MED15: variants seen among roughly 807,000 people sequenced by gnomAD.
MED15 encodes the protein mediator complex subunit 15.
MED15 carries 41 observed loss-of-function variants against 118.7 expected under a neutral mutation model. The observed-to-expected ratio is 0.35, with a 90% CI of 0.27 to 0.45. The LOEUF (loss-of-function observed/expected upper bound fraction) is 0.45, where lower values mean the gene tolerates loss of function less well. MED15 is among the 20% of genes least tolerant of loss of function. MED15 has a pLI of 1.00. For missense variants in MED15, 740 were observed against 1,025.5 expected (o/e 0.72, Z 3.80); for synonymous variants, 436 against 413.9 (o/e 1.05, Z -0.65).
rs942564746 is a variant in MED15, at chr22:20,574,823, T to C, written c.1153-290T>C. 1.1e-5 allele frequency: 4 copies of C among 359,796 alleles called. No homozygotes were observed. In the Admixed American group the frequency reaches 1.1e-4, roughly 10 times the overall value. The allele number at this position is 359,796 out of a possible 1,614,324, so 22.3% of individuals were successfully genotyped here. A position where few individuals can be genotyped will look rare whatever the true frequency, so the allele number is the denominator to read the frequency against. On this transcript the variant is annotated intron_variant, in intron 8 of 17. Transcript: ENST00000263205. ...AGGATTCTGATCTGTTAGCGAGGTG[T>C]GTTCAGAAGTGTGTTGAGGACACCA...
At chr22:20,554,019 G>C (rs1296940101) in intron 4 of MED15, among the ~76,000 whole-genome samples, 1 of 152,258 alleles carries the variant, frequency 6.6e-6, no homozygotes, top group Non-Finnish European at 1.5e-5. Context: ...CTGCCATTGG[G>C]AAGGGAGTGC....
At chr22:20,523,455 G>A (rs920717552) in intron 1 of MED15, among the ~76,000 whole-genome samples, 20 of 152,040 alleles carry the variant, frequency 1.3e-4, no homozygotes, top group Non-Finnish European at 2.1e-4. Flanking sequence ...GCAACATATG[G>A]CCAGTGTTGC....
At chr22:20,546,915 G>C (rs1407519072) in intron 2 of MED15, among the ~76,000 whole-genome samples, 1 of 152,128 alleles carries the variant, frequency 6.6e-6, no homozygotes, top group Non-Finnish European at 1.5e-5. Context: ...GCGCTGGTCT[G>C]TTCATTGCTT....
chr22:20,587,129 G>T lies in MED15; in HGVS notation c.*425G>T. 1 of 177,876 alleles carries T rather than the reference G, an allele frequency of 5.6e-6. No individual in the cohort carries two copies. 11.0% of individuals were successfully genotyped at this position (177,876 alleles called of 1,614,324 possible). On this transcript the variant is annotated 3_prime_UTR_variant, in exon 18 of 18. Coordinates refer to ENST00000263205, the MANE Select transcript of MED15 (RefSeq NM_001003891.3). The stretch of plus-strand genomic sequence containing the variant: ...CATAGGAAACCCTTAAAACACACAT[G>T]GGATTCTCTGGTCACAGTTTTGGGT...
chr22:20,562,690 A>G (rs1439629245), intron 5 of MED15, among the ~76,000 whole-genome samples: 1 of 152,166 alleles, frequency 6.6e-6, no homozygotes, highest in Non-Finnish European at 1.5e-5. Flanking sequence ...CCGGTCATAC[A>G]TGTTTTATGA....
rs976043613 is a variant in MED15, at chr22:20,513,428, G to A, written c.68+5682G>A. Among the ~76,000 whole-genome samples, 5 of 151,920 alleles carry A rather than the reference G, an allele frequency of 3.3e-5. No individual in the cohort carries two copies. In the South Asian group the frequency reaches 6.3e-4, roughly 19 times the overall value. On this transcript the variant is annotated intron_variant, in intron 1 of 17. Transcript: ENST00000263205. ...AGAGTAGCTGGGATTACAGGCACCC[G>A]CCACCACTCCTGGCTAATTTTTGTA...
At chr22:20,586,536 G>A (rs757596164) in intron 17 of MED15, 32 bp from the exon 18 acceptor site, 23 of 1,605,582 alleles carry the variant, frequency 1.4e-5, no homozygotes, top group Non-Finnish European at 1.7e-5. Flanking sequence ...AGCGCCGGCC[G>A]CCTTAGGTTC....
chr22:20,549,830 A>G (rs1057287317), intron 2 of MED15, among the ~76,000 whole-genome samples: 4 of 152,078 alleles, frequency 2.6e-5, no homozygotes, highest in African/African-American at 7.2e-5. Context: ...CAGGATGATG[A>G]TGCCTGCCCA....
chr22:20,545,370 T>G (rs1272535067), intron 2 of MED15, among the ~76,000 whole-genome samples: 1 of 150,610 alleles, frequency 6.6e-6, no homozygotes, highest in Non-Finnish European at 1.5e-5. Flanking sequence ...TCCCAGCTAC[T>G]TGGGAGGGTG....
chr22:20,576,473 G>A (rs950470097), intron 9 of MED15, among the ~76,000 whole-genome samples: 1 of 152,274 alleles, frequency 6.6e-6, no homozygotes, highest in Non-Finnish European at 1.5e-5. Flanking sequence ...CCAAGAAAGT[G>A]GCCTGGGCCC....
rs547619180 is a variant in MED15 at position 20,587,053 on chromosome 22, G to A, written c.*349G>A. On this transcript the variant is annotated 3_prime_UTR_variant, in exon 18 of 18. Coordinates refer to ENST00000263205, the MANE Select transcript of MED15 (RefSeq NM_001003891.3). Reference sequence around the variant, plus strand: ...GGTGCACTCAGGGTGTTGTTAGAGCGTCTCGTGTGTGCTAGACGCACCCCT... The same window carrying A: ...GGTGCACTCAGGGTGTTGTTAGAGCATCTCGTGTGTGCTAGACGCACCCCT... The A allele has an allele frequency of 4.4e-4, 154 of 351,948 alleles. 2 individuals carry two copies. The South Asian group carries it at 5.8e-3, about 13-fold the overall frequency. 21.8% of individuals were successfully genotyped at this position (351,948 alleles called of 1,614,324 possible). A position where few individuals can be genotyped will look rare whatever the true frequency, so the allele number is the denominator to read the frequency against.
At chr22:20,525,190 C>T (rs1601472741) in intron 1 of MED15, among the ~76,000 whole-genome samples, 1 of 152,046 alleles carries the variant, frequency 6.6e-6, no homozygotes, top group East Asian at 1.9e-4. Flanking sequence ...ACTCGGGAGA[C>T]TGAGGAGGGA....
At chr22:20,584,300 C>G in intron 13 of MED15, 59 bp from the exon 14 acceptor site, 2 of 1,566,342 alleles carry the variant, frequency 1.3e-6, no homozygotes, top group Non-Finnish European at 1.8e-6. Context: ...AGTTGGGATC[C>G]TGAGCCTGAG....
chr22:20,518,853 A>G (rs1287291828), intron 1 of MED15: 1 of 452,640 alleles, frequency 2.2e-6, no homozygotes, highest in Non-Finnish European at 4.4e-6. Context: ...TGAGACATTC[A>G]TTTATTTGTT....
At chr22:20,584,056 G>C in intron 13 of MED15, 1 of 445,888 alleles carries the variant, frequency 2.2e-6, no homozygotes, top group Non-Finnish European at 4.1e-6. Flanking sequence ...TCCTTTGTTA[G>C]GGTTATAGGG....
chr22:20,567,094 A>G (rs927077207), intron 7 of MED15, among the ~76,000 whole-genome samples: 4 of 152,200 alleles, frequency 2.6e-5, no homozygotes, highest in African/African-American at 9.7e-5. Context: ...GGCTGATTGC[A>G]GCAGTTCTGT....
At chr22:20,584,831 T>C in intron 14 of MED15, 24 bp from the exon 15 acceptor site, 3 of 1,609,504 alleles carry the variant, frequency 1.9e-6, no homozygotes, top group Non-Finnish European at 2.5e-6. Context: ...CCCGGGCTGC[T>C]GACCGTGCCC....
chr22:20,553,118 C>T (rs894849771), intron 3 of MED15, 27 bp from the exon 4 acceptor site: 10 of 1,599,036 alleles, frequency 6.3e-6, no homozygotes, highest in African/African-American at 5.4e-5. Flanking sequence ...TGTTTACTTT[C>T]GTTTTTTTGT....
rs1251108463 is a variant in MED15 at position 20,564,477 on chromosome 22, TGCA to T, written c.492_494del (p.Gln168del). ...CAGCTGCAGCTCCAGCAGGTGGCGC[TGCA>T]GCAGCAGCAGCAACAGCAGCAGTTC... is the stretch of plus-strand genomic sequence containing the variant. On this transcript the variant is annotated inframe_deletion, in exon 6 of 18. Transcript: ENST00000263205. The T allele has an allele frequency of 5.0e-6, 8 of 1,612,230 alleles. No individual in the cohort carries two copies. Among genetic ancestry groups the T allele is most frequent in the South Asian group, 1.1e-5 (1 of 91,032 alleles).
Sources: allele counts gnomAD v4.1 joint callset (sites outside exome capture counted in the v4.1 genomes callset), GRCh38; gene constraint gnomAD v4.1.1; transcripts MANE v1.5; gene names NCBI Gene and HGNC (gene_info 2026-07-23, HGNC 2026-07-21).